RBM27: variants seen among roughly 807,000 people sequenced by gnomAD.
RBM27 encodes the protein RNA binding motif protein 27.
RBM27 carries 22 observed loss-of-function variants against 135.3 expected under a neutral mutation model. The observed-to-expected ratio is 0.16, with a 90% CI of 0.12 to 0.23. The LOEUF (loss-of-function observed/expected upper bound fraction) is 0.23. Among genes scored for constraint, RBM27 ranks in the 10% least tolerant of loss-of-function variants. The pLI is 1.00. For synonymous variants in RBM27, 481 were observed against 442.4 expected (o/e 1.09, Z -1.10); for missense variants, 1,009 against 1,281.0 (o/e 0.79, Z 3.24).
chr5:146,232,845 G>C (rs890664386), intron 6 of RBM27, among the ~76,000 whole-genome samples: 3 of 152,184 alleles, frequency 2.0e-5, no homozygotes, highest in African/African-American at 7.2e-5. Flanking sequence ...GATATTACAG[G>C]CGTGAGCGAC....
intron 19 of RBM27, among the ~76,000 whole-genome samples, chr5:146,274,130 G>A (rs1758986898): frequency 6.7e-6 from 1 of 150,010 alleles, no homozygotes; most frequent in Non-Finnish European, 1.5e-5. Flanking sequence ...GATTACAGGT[G>A]TTAGCCACCA....
At chr5:146,240,574 G>A (rs1361201902) in intron 8 of RBM27, among the ~76,000 whole-genome samples, 1 of 152,176 alleles carries the variant, frequency 6.6e-6, no homozygotes. Context: ...TGATCCGCCT[G>A]CCTTGGCCTC....
At chr5:146,213,039 G>A (rs1756033351) in intron 1 of RBM27, among the ~76,000 whole-genome samples, 1 of 152,190 alleles carries the variant, frequency 6.6e-6, no homozygotes, top group Non-Finnish European at 1.5e-5. Flanking sequence ...TTCTATATAT[G>A]CCTTTATTTC....
In RBM27 at chr5:146,203,798, C is replaced by G; in HGVS notation, c.33C>G (p.Ser11=). 5 of 1,530,012 alleles carry G rather than the reference C, an allele frequency of 3.3e-6. No homozygotes were observed. The highest frequency in any genetic ancestry group is 4.4e-6 in the Non-Finnish European group (5 of 1,134,072). 94.8% of individuals were successfully genotyped at this position (1,530,012 alleles called of 1,614,324 possible). A position where few individuals can be genotyped will look rare whatever the true frequency, so the allele number is the denominator to read the frequency against. The change falls in exon 1 of 21, where the codon TCC becomes TCG. Residue 11 remains serine (S), a synonymous_variant. Coordinates refer to ENST00000265271, the MANE Select transcript of RBM27 (RefSeq NM_018989.2). MLIEDVDALK[S]WLAKLLEPIC... is the part of the protein sequence containing the mutation. Reference sequence around the variant, plus strand: ...TAGAGGATGTGGATGCCCTCAAGTCCTGGCTGGCCAAGTTACTGGAGCCGA... The same window carrying G: ...TAGAGGATGTGGATGCCCTCAAGTCGTGGCTGGCCAAGTTACTGGAGCCGA...
rs552727300 is a variant in RBM27, at chr5:146,216,088, G to T, written c.60-2897G>T. ...TATTTTATTTTATTGAGACAGTCTT[G>T]CTCTGTTGCCCATGCTGGAGTGCAG... is the stretch of plus-strand genomic sequence containing the variant. On this transcript the variant is annotated intron_variant, in intron 1 of 20. Transcript: ENST00000265271. Among the ~76,000 whole-genome samples, 3 of 151,780 alleles carry T rather than the reference G, an allele frequency of 2.0e-5. No homozygotes were observed. In the South Asian group the frequency reaches 6.3e-4, roughly 32 times the overall value.
chr5:146,259,740 A>G (rs13177015), intron 11 of RBM27, among the ~76,000 whole-genome samples: 56,280 of 146,770 alleles, frequency 0.38, 11,121 homozygotes, highest in African/African-American at 0.49. Context: ...TTGGGAGGCC[A>G]AGGCGGGTGG....
chr5:146,216,907 G>A lies in RBM27; in HGVS notation c.60-2078G>A, dbSNP rs182764481. Among the ~76,000 whole-genome samples the A allele has an allele frequency of 3.1e-3, 474 of 152,184 alleles. 4 individuals carry two copies. The highest frequency in any genetic ancestry group is 0.011 in the African/African-American group (458 of 41,504). On this transcript the variant is annotated intron_variant, in intron 1 of 20. Coordinates refer to ENST00000265271, the MANE Select transcript of RBM27 (RefSeq NM_018989.2). ...TTCTAGGCTTAAGCAGCCAGCCTTG[G>A]CCTCCCAAAGTGTTGGGATTATAGG... is the stretch of plus-strand genomic sequence containing the variant.
rs1455672394 is a variant in RBM27, at chr5:146,289,164, A to G, written c.*3134A>G. 6.6e-6 allele frequency: 1 copy of G among 152,138 alleles called. No homozygotes were observed. Among genetic ancestry groups the G allele is most frequent in the Non-Finnish European group, 1.5e-5 (1 of 67,966 alleles). 9.4% of individuals were successfully genotyped at this position (152,138 alleles called of 1,614,324 possible). A position where few individuals can be genotyped will look rare whatever the true frequency, so the allele number is the denominator to read the frequency against. The stretch of plus-strand genomic sequence containing the variant: ...AAAAGAAAAAAGATGAAAGTATTAC[A>G]AATTTAAAAGAATTTGGAAAATTTA... On this transcript the variant is annotated 3_prime_UTR_variant, in exon 21 of 21. Transcript: ENST00000265271.
intron 14 of RBM27, among the ~76,000 whole-genome samples, chr5:146,264,434 T>G (rs745948874): frequency 1.3e-5 from 2 of 151,928 alleles, no homozygotes; most frequent in South Asian, 4.1e-4. Flanking sequence ...CACCCCAGAG[T>G]GCTGGACTAC....
chr5:146,218,029 A>G (rs1756287428), intron 1 of RBM27, among the ~76,000 whole-genome samples: 1 of 152,170 alleles, frequency 6.6e-6, no homozygotes, highest in Non-Finnish European at 1.5e-5. Flanking sequence ...GGATGTTGGG[A>G]TTACAGGCAT....
chr5:146,261,255 G>A, intron 12 of RBM27: 1 of 555,580 alleles, frequency 1.8e-6, no homozygotes, highest in Non-Finnish European at 3.2e-6. Flanking sequence ...GGCAGACAGA[G>A]AAAGAGAAAG....
Position 146,251,701 on chromosome 5 carries a change from T to A in RBM27, c.1280-10T>A. On this transcript the variant is annotated splice_polypyrimidine_tract_variant and intron_variant, in intron 8 of 20. Transcript: ENST00000265271. ...CATTCCCAGCTGCCCTCCTATTCTTTCCTCTATAGGACAGCCCATGTACTC... is the reference window on the plus strand; with the variant it reads ...CATTCCCAGCTGCCCTCCTATTCTTACCTCTATAGGACAGCCCATGTACTC... 1 of 1,598,998 alleles carries A rather than the reference T, an allele frequency of 6.3e-7. No individual in the cohort carries two copies. Among genetic ancestry groups the A allele is most frequent in the Non-Finnish European group, 8.6e-7 (1 of 1,166,690 alleles).
chr5:146,236,323 T>TCAAAA (rs1757157234), intron 7 of RBM27, among the ~76,000 whole-genome samples: 1 of 152,232 alleles, frequency 6.6e-6, no homozygotes, highest in Admixed American at 6.5e-5. Context: ...TTTCACAGTA[T>TCAAAA]GTTGCAGACA....
intron 9 of RBM27, 86 bp downstream of exon 9, chr5:146,251,961 T>A (rs1242781661): frequency 1.4e-5 from 19 of 1,400,392 alleles, no homozygotes; most frequent in Non-Finnish European, 1.8e-5. Context: ...GGCATCCTGA[T>A]CTGCTGTTAC....
At position 146,261,618 on chromosome 5, in the gene RBM27, C is replaced by T. The variant is rs1459327146; in HGVS notation, c.2002C>T (p.Arg668Ter). ...AGCAGTTCTAAACAACCGATTCATT[C>T]GAGTCTTGTGGCATAGGGAAAATAA... ...TEAVLNNRFIRVLWHRENNEQ... is the reference protein window; with the variant it reads ...TEAVLNNRFI Residue 668 changes from arginine to a stop codon, truncating the protein, a stop_gained, in exon 13 of 21, where the codon CGA becomes TGA. Coordinates refer to ENST00000265271, the MANE Select transcript of RBM27 (RefSeq NM_018989.2). LOFTEE classifies it high-confidence loss of function. 1 of 1,614,144 alleles carries T rather than the reference C, an allele frequency of 6.2e-7. No homozygotes were observed.
intron 8 of RBM27, among the ~76,000 whole-genome samples, chr5:146,245,712 A>T (rs938700021): frequency 2.0e-5 from 3 of 152,176 alleles, no homozygotes; most frequent in Non-Finnish European, 4.4e-5. Context: ...ACCCCGGGTC[A>T]CGGTGGCACT....
chr5:146,209,815 A>G (rs1472599234), intron 1 of RBM27, among the ~76,000 whole-genome samples: 3 of 152,228 alleles, frequency 2.0e-5, no homozygotes, highest in African/African-American at 7.2e-5. Context: ...TAAGGATACC[A>G]TTCACTATTT....
intron 19 of RBM27, among the ~76,000 whole-genome samples, chr5:146,284,118 G>A (rs1375606548): frequency 6.6e-6 from 1 of 152,184 alleles, no homozygotes; most frequent in African/African-American, 2.4e-5. Flanking sequence ...TTTATTGAAT[G>A]CATAGATGAG....
Position 146,260,873 on chromosome 5 carries a change from A to C in RBM27, c.1868A>C (p.Lys623Thr). Reference protein sequence around the residue: ...NITKLNEHFSKFGTIVNIQVA... With the variant: ...NITKLNEHFSTFGTIVNIQVA... ...ACCAAGCTCAATGAACACTTCAGCAAATTTGGAACTATTGTTAATATCCAG... is the reference window on the plus strand; with the variant it reads ...ACCAAGCTCAATGAACACTTCAGCACATTTGGAACTATTGTTAATATCCAG... The change falls in exon 12 of 21, where the codon AAA becomes ACA. Residue 623 changes from lysine (K) to threonine (T), a missense_variant. By Grantham distance (78) the Lys-to-Thr change is moderately conservative. Coordinates refer to ENST00000265271, the MANE Select transcript of RBM27 (RefSeq NM_018989.2). The C allele has an allele frequency of 6.2e-7, 1 of 1,609,060 alleles. No individual in the cohort carries two copies. The highest frequency in any genetic ancestry group is 1.1e-5 in the South Asian group (1 of 89,238).
Sources: gnomAD v4.1 joint callset for allele counts (sites outside exome capture counted in the v4.1 genomes callset) on GRCh38, gnomAD v4.1.1 for gene constraint, MANE v1.5 for transcripts, NCBI Gene and HGNC (gene_info 2026-07-23, HGNC 2026-07-21) for gene names.